The following GSPT1 variants were observed in gnomAD, a reference collection of about 807,000 sequenced individuals.
GSPT1 encodes G1 to S phase transition 1, also known as eukaryotic peptide chain release factor GTP-binding subunit ERF3A.
Under a neutral mutation model 72.5 loss-of-function variants are expected in GSPT1, and 20 were observed. That is an observed-to-expected ratio of 0.28 (90% CI 0.19 to 0.40). The LOEUF (loss-of-function observed/expected upper bound fraction) is 0.40, where lower values mean the gene tolerates loss of function less well. Ranked by LOEUF, GSPT1 falls within the 10% of genes least tolerant of loss-of-function variation. The pLI, the probability that GSPT1 is intolerant of heterozygous loss-of-function variation, is 1.00. For missense variants in GSPT1, 580 were observed against 811.9 expected (o/e 0.71, Z 3.47); for synonymous variants, 334 against 293.5 (o/e 1.14, Z -1.41).
chr16:11,910,064 TC>T (rs1438564357), intron 1 of GSPT1, among the ~76,000 whole-genome samples: 1 of 152,060 alleles, frequency 6.6e-6, no homozygotes, highest in Non-Finnish European at 1.5e-5. Flanking sequence ...ACAATTATAC[TC>T]CAGCTTGGGT....
chr16:11,916,264 C>G (rs2054636237), upstream of GSPT1, among the ~76,000 whole-genome samples: 1 of 152,146 alleles, frequency 6.6e-6, no homozygotes, highest in African/African-American at 2.4e-5. Flanking sequence ...GGCGGCCCCA[C>G]CTGTCACCTG....
intron 6 of GSPT1, among the ~76,000 whole-genome samples, chr16:11,888,685 C>T (rs1341226362): frequency 2.0e-5 from 3 of 152,028 alleles, no homozygotes; most frequent in Non-Finnish European, 2.9e-5. Context: ...TCGCTTGAAC[C>T]CAGGAGGCGG....
At chr16:11,902,207 C>T (rs1254386375) in intron 1 of GSPT1, among the ~76,000 whole-genome samples, 1 of 151,314 alleles carries the variant, frequency 6.6e-6, no homozygotes, top group Non-Finnish European at 1.5e-5. Flanking sequence ...ATGGTGAAAC[C>T]CTGTCTCTAC....
At chr16:11,892,829 CAAAAAAAAAAAAAAAAA>C (rs57546698) in intron 5 of GSPT1, among the ~76,000 whole-genome samples, 1 of 31,224 alleles carries the variant, frequency 3.2e-5, no homozygotes, top group African/African-American at 1.4e-4. Flanking sequence ...GATTCTGTCT[CAAAAAAAAAAAAAAAAA>C]AAAAAAAAAG....
intron 3 of GSPT1, among the ~76,000 whole-genome samples, chr16:11,897,626 T>C (rs566610913): frequency 7.2e-5 from 11 of 152,306 alleles, no homozygotes; most frequent in African/African-American, 2.6e-4. Context: ...TAAATTGACT[T>C]GACCATTCCT....
chr16:11,903,223 G>A (rs1013927439), intron 1 of GSPT1, among the ~76,000 whole-genome samples: 6 of 152,050 alleles, frequency 3.9e-5, no homozygotes, highest in South Asian at 2.1e-4. Flanking sequence ...TATCAATCCA[G>A]TTTCAAGCCA....
At chr16:11,890,549 C>G (rs1447172799) in intron 6 of GSPT1, among the ~76,000 whole-genome samples, 1 of 152,082 alleles carries the variant, frequency 6.6e-6, no homozygotes, top group African/African-American at 2.4e-5. Context: ...CTGTCAATAT[C>G]CCATTGAGGT....
Position 11,915,795 on chromosome 16 carries a change from G to A in GSPT1, c.-75C>T, listed in dbSNP as rs747049920. ...GGGGCGCCCGGCCGGAGAGGAGTGG[G>A]CAACGCTGACTGAGGGAAGGCGGCG... On this transcript the variant is annotated 5_prime_UTR_variant, in exon 1 of 15. Coordinates refer to ENST00000434724, the MANE Select transcript of GSPT1 (RefSeq NM_002094.4). The A allele has an allele frequency of 1.0e-5, 16 of 1,578,522 alleles. No homozygotes were observed. Among genetic ancestry groups the A allele is most frequent in the Non-Finnish European group, 1.4e-5 (16 of 1,167,334 alleles).
intron 1 of GSPT1, among the ~76,000 whole-genome samples, chr16:11,910,363 C>T (rs2054542853): frequency 6.6e-6 from 1 of 152,232 alleles, no homozygotes; most frequent in South Asian, 2.1e-4. Context: ...CACTAGAGTA[C>T]ACTGGGCATC....
upstream of GSPT1, among the ~76,000 whole-genome samples, chr16:11,916,319 G>A (rs868369190): frequency 4.6e-5 from 7 of 152,234 alleles, no homozygotes; most frequent in Admixed American, 2.6e-4. Flanking sequence ...CTCTGTGCTG[G>A]GCCGAAGACC....
At chr16:11,915,098 C>T in intron 1 of GSPT1, 1 of 1,285,090 alleles carries the variant, frequency 7.8e-7, no homozygotes, top group Non-Finnish European at 1.0e-6. Flanking sequence ...TAACTGCGGA[C>T]TCCAGAGCAG....
chr16:11,902,110 C>T (rs1013591513), intron 1 of GSPT1, among the ~76,000 whole-genome samples: 2 of 145,562 alleles, frequency 1.4e-5, no homozygotes, highest in Non-Finnish European at 3.0e-5. Flanking sequence ...AAGCCAGGCA[C>T]GGTGGCTCAT....
Position 11,886,762 on chromosome 16 carries a change from G to A in GSPT1, c.1112+15C>T. 1 of 1,607,358 alleles carries A rather than the reference G, an allele frequency of 6.2e-7. No homozygotes were observed. The highest frequency in any genetic ancestry group is 1.1e-5 in the South Asian group (1 of 90,494). On this transcript the variant is annotated intron_variant, in intron 8 of 14. Transcript: ENST00000434724. ...TTAATCCCACTAACATAAAATACCA[G>A]ACATCTACGCTCACCTCTCATTGCT...
Position 11,871,539 on chromosome 16 carries a change from C to G in GSPT1, c.*1580G>C, listed in dbSNP as rs1443349671. ...CTGAGATCGAGCCACTGCACTCCAG[C>G]CTAGGTGACAGAGTGAGCCTCTGTC... On this transcript the variant is annotated 3_prime_UTR_variant, in exon 15 of 15. Coordinates refer to ENST00000434724, the MANE Select transcript of GSPT1 (RefSeq NM_002094.4). 1 of 152,128 alleles carries G rather than the reference C, an allele frequency of 6.6e-6. No individual in the cohort carries two copies. The highest frequency in any genetic ancestry group is 1.5e-5 in the Non-Finnish European group (1 of 68,040). The allele number at this position is 152,128 out of a possible 1,614,324, so 9.4% of individuals were successfully genotyped here. A position where few individuals can be genotyped will look rare whatever the true frequency, so the allele number is the denominator to read the frequency against.
intron 14 of GSPT1, among the ~76,000 whole-genome samples, chr16:11,874,766 T>C (rs934611712): frequency 1.3e-5 from 2 of 152,330 alleles, no homozygotes; most frequent in South Asian, 2.1e-4. Flanking sequence ...CCTGACACTT[T>C]GTAGATACAA....
chr16:11,890,641 A>C (rs1011804054), intron 6 of GSPT1, among the ~76,000 whole-genome samples: 1 of 152,242 alleles, frequency 6.6e-6, no homozygotes, highest in African/African-American at 2.4e-5. Context: ...AAAGGCAACC[A>C]CTGTCAATAA....
At chr16:11,910,910 G>A (rs745928796) in intron 1 of GSPT1, among the ~76,000 whole-genome samples, 6 of 152,086 alleles carry the variant, frequency 3.9e-5, no homozygotes, top group East Asian at 1.9e-4. Context: ...TGATGCCTTC[G>A]CTTCTTCCCT....
intron 11 of GSPT1, among the ~76,000 whole-genome samples, chr16:11,879,749 A>C (rs1008250144): frequency 5.9e-5 from 9 of 151,930 alleles, no homozygotes; most frequent in Admixed American, 5.2e-4. Context: ...AAAAAAAAAA[A>C]AAAAAACAAA....
chr16:11,880,187 T>C (rs544047540), intron 11 of GSPT1: 1 of 152,512 alleles, frequency 6.6e-6, no homozygotes, highest in Admixed American at 6.5e-5. Context: ...TTTAAGGCTG[T>C]GCAATATTCT....
Sources: gnomAD v4.1 joint callset for allele counts (sites outside exome capture counted in the v4.1 genomes callset) on GRCh38, gnomAD v4.1.1 for gene constraint, MANE v1.5 for transcripts, NCBI Gene and HGNC (gene_info 2026-07-23, HGNC 2026-07-21) for gene names.